Variants in CNTNAP2 observed in about 807,000 individuals in gnomAD.
CNTNAP2 encodes contactin-associated protein-like 2.
In CNTNAP2, 98 loss-of-function variants were observed where a neutral mutation model predicts 155.2. The observed-to-expected ratio is 0.63, with a 90% CI of 0.54 to 0.75. CNTNAP2 has a LOEUF of 0.75. CNTNAP2 is among the 30% of genes least tolerant of loss of function. CNTNAP2 has a pLI of 0.00. For missense variants in CNTNAP2, 1,727 were observed against 1,688.1 expected (o/e 1.02, Z -0.40); for synonymous variants, 651 against 631.2 (o/e 1.03, Z -0.47).
At chr7:147,465,934 ATG>A (rs59340715) in intron 10 of CNTNAP2, among the ~76,000 whole-genome samples, 118,771 of 151,966 alleles carry the variant, frequency 0.78, 46,788 homozygotes, top group African/African-American at 0.88. Context: ...ATTGTATCTA[ATG>A]TGTGTGTAGC....
At chr7:146,120,743 G>C (rs752720003) in intron 1 of CNTNAP2, among the ~76,000 whole-genome samples, 1 of 152,062 alleles carries the variant, frequency 6.6e-6, no homozygotes, top group Non-Finnish European at 1.5e-5. Flanking sequence ...GTTTAAGTAT[G>C]ATGAGATACA....
intron 8 of CNTNAP2, among the ~76,000 whole-genome samples, chr7:147,203,869 A>T (rs574141782): frequency 6.6e-6 from 1 of 152,158 alleles, no homozygotes; most frequent in Non-Finnish European, 1.5e-5. Context: ...ATAAAAAGCA[A>T]CAATAGATTA....
intron 12 of CNTNAP2, among the ~76,000 whole-genome samples, chr7:147,570,321 A>T (rs1800263049): frequency 6.6e-6 from 1 of 152,168 alleles, no homozygotes; most frequent in Non-Finnish European, 1.5e-5. Flanking sequence ...TCTGTTTAGC[A>T]TGCTTACCTA....
At position 148,415,624 on chromosome 7, in the gene CNTNAP2, C is replaced by G. The variant is rs1490530352; in HGVS notation, c.*8C>G. 3.7e-6 allele frequency: 6 copies of G among 1,614,046 alleles called. No homozygotes were observed. The highest frequency in any genetic ancestry group is 4.2e-6 in the Non-Finnish European group (5 of 1,179,992). ...AAGGAATGGCTCATTTGAGGGGTGG[C>G]TACTTGGCTATGGGATAGGGAGGAG... On this transcript the variant is annotated 3_prime_UTR_variant, in exon 24 of 24. Coordinates refer to ENST00000361727, the MANE Select transcript of CNTNAP2 (RefSeq NM_014141.6).
rs993270117 is a variant in CNTNAP2 at position 147,167,475 on chromosome 7, G to A, written c.1348+34966G>A. 3 of 1,034,924 alleles carry A rather than the reference G, an allele frequency of 2.9e-6. No homozygotes were observed. The African/African-American group carries it at 4.8e-5, about 17-fold the overall frequency. The allele number at this position is 1,034,924 out of a possible 1,614,324, so 64.1% of individuals were successfully genotyped here. A position where few individuals can be genotyped will look rare whatever the true frequency, so the allele number is the denominator to read the frequency against. The stretch of plus-strand genomic sequence containing the variant: ...GGAGTTTGTTGCCATGCCTGCCCCT[G>A]CCCCACTGGAGGTTGCCATGGACCC... On this transcript the variant is annotated intron_variant, in intron 8 of 23. Transcript: ENST00000361727.
At chr7:148,040,619 G>T (rs941732658) in intron 15 of CNTNAP2, among the ~76,000 whole-genome samples, 1 of 152,218 alleles carries the variant, frequency 6.6e-6, no homozygotes, top group African/African-American at 2.4e-5. Context: ...TATGCATGCA[G>T]TGTGTGCTCT....
intron 18 of CNTNAP2, among the ~76,000 whole-genome samples, chr7:148,192,899 C>A (rs529207053): frequency 6.6e-6 from 1 of 151,966 alleles, no homozygotes; most frequent in African/African-American, 2.4e-5. Flanking sequence ...CATTTTTTGG[C>A]GGTGTTTGAA....
At chr7:146,257,888 A>AT (rs57787137) in intron 1 of CNTNAP2, among the ~76,000 whole-genome samples, 35,906 of 146,976 alleles carry the variant, frequency 0.24, 7,739 homozygotes, top group African/African-American at 0.59. Flanking sequence ...TTATCCAGCA[A>AT]TTTTTTTTTT....
At chr7:146,719,845 C>T (rs1801254768) in intron 1 of CNTNAP2, among the ~76,000 whole-genome samples, 2 of 151,872 alleles carry the variant, frequency 1.3e-5, no homozygotes, top group South Asian at 4.2e-4. Flanking sequence ...AAATAATAAT[C>T]CGATAAATGT....
chr7:148,339,273 C>T (rs1798179108), intron 21 of CNTNAP2, among the ~76,000 whole-genome samples: 1 of 149,862 alleles, frequency 6.7e-6, no homozygotes, highest in Non-Finnish European at 1.5e-5. Flanking sequence ...AAAAAAAAGA[C>T]CCACTCTTGT....
rs193079516 is a variant in CNTNAP2, at chr7:146,536,715, C to T, written c.98-237556C>T. Among the ~76,000 whole-genome samples the T allele has an allele frequency of 1.5e-3, 230 of 151,870 alleles. 1 individual carries two copies. The highest frequency in any genetic ancestry group is 5.4e-3 in the African/African-American group (225 of 41,402). On this transcript the variant is annotated intron_variant, in intron 1 of 23. Coordinates refer to ENST00000361727, the MANE Select transcript of CNTNAP2 (RefSeq NM_014141.6). ...ACTTGTTTATTGCTGTGTGATAAAA[C>T]ACTCCAAGACATCTCTAGTCACGTT...
At chr7:146,647,006 G>T (rs1799823078) in intron 1 of CNTNAP2, among the ~76,000 whole-genome samples, 1 of 152,134 alleles carries the variant, frequency 6.6e-6, no homozygotes, top group Non-Finnish European at 1.5e-5. Flanking sequence ...CTGAGGCAGG[G>T]CACAATATCA....
chr7:147,834,624 C>T (rs1374341929), intron 13 of CNTNAP2, among the ~76,000 whole-genome samples: 1 of 152,120 alleles, frequency 6.6e-6, no homozygotes, highest in Non-Finnish European at 1.5e-5. Flanking sequence ...CCTTTGAGAT[C>T]CTCATTAAAC....
intron 13 of CNTNAP2, among the ~76,000 whole-genome samples, chr7:147,662,353 C>G (rs111592986): frequency 0.035 from 5,328 of 152,308 alleles, 135 homozygotes; most frequent in Middle Eastern, 0.071. Flanking sequence ...CCTACATCTG[C>G]TACCAAATCA....
At chr7:146,754,665 G>A (rs979317400) in intron 1 of CNTNAP2, among the ~76,000 whole-genome samples, 5 of 151,430 alleles carry the variant, frequency 3.3e-5, no homozygotes, top group African/African-American at 7.3e-5. Flanking sequence ...CCTTAGAGTC[G>A]AATGGTATCT....
At chr7:146,550,414 T>TTTTTTG (rs1798101330) in intron 1 of CNTNAP2, among the ~76,000 whole-genome samples, 3 of 124,770 alleles carry the variant, frequency 2.4e-5, no homozygotes, top group Non-Finnish European at 5.3e-5. Context: ...TTTTTTTTTT[T>TTTTTTG]TTTTTTTTTT....
In CNTNAP2 at chr7:146,774,295, C is replaced by A; in HGVS notation, c.122C>A (p.Ser41Tyr). The A allele has an allele frequency of 6.2e-7, 1 of 1,613,914 alleles. No homozygotes were observed. Among genetic ancestry groups the A allele is most frequent in the Non-Finnish European group, 8.5e-7 (1 of 1,179,926 alleles). Residue 41 changes from serine to tyrosine, a missense_variant, in exon 2 of 24, where the codon TCT becomes TAT. By Grantham distance (144) the Ser-to-Tyr change is moderately radical (BLOSUM62 -2). Coordinates refer to ENST00000361727, the MANE Select transcript of CNTNAP2 (RefSeq NM_014141.6). The stretch of plus-strand genomic sequence containing the variant: ...GAAAAATGTGATGAGCCACTTGTCT[C>A]TGGACTCCCCCATGTGGCTTTCAGC... ...TSQKCDEPLV[S>Y]GLPHVAFSSS... is the part of the protein sequence containing the mutation.
In CNTNAP2 at chr7:147,605,258, TA is replaced by T. The variant is rs781398422; in HGVS notation, c.1898-33846del. 5.5e-4 allele frequency among the ~76,000 whole-genome samples: 83 copies of T among 152,264 alleles called. 1 individual carries two copies. In the Middle Eastern group the frequency reaches 0.014, roughly 25 times the overall value. On this transcript the variant is annotated intron_variant, in intron 12 of 23. Coordinates refer to ENST00000361727, the MANE Select transcript of CNTNAP2 (RefSeq NM_014141.6). ...AACTTTCTACCCTCTGAATTTTTGA[TA>T]ATTGAGCCTATGAAATCAACTGACA...
rs578180657 is a variant in CNTNAP2 at position 147,716,564 on chromosome 7, G to A, written c.2098+77258G>A. Among the ~76,000 whole-genome samples, 14 of 152,186 alleles carry A rather than the reference G, an allele frequency of 9.2e-5. No homozygotes were observed. In the South Asian group the frequency reaches 2.9e-3, roughly 32 times the overall value. Reference sequence around the variant, plus strand: ...TGCCAATTTCTTTCTTTCTGTACATGTGCTAACCAAAAAGGGAAGATGGAG... The same window carrying A: ...TGCCAATTTCTTTCTTTCTGTACATATGCTAACCAAAAAGGGAAGATGGAG... On this transcript the variant is annotated intron_variant, in intron 13 of 23. Coordinates refer to ENST00000361727, the MANE Select transcript of CNTNAP2 (RefSeq NM_014141.6).
Sources: allele counts gnomAD v4.1 joint callset (sites outside exome capture counted in the v4.1 genomes callset), GRCh38; gene constraint gnomAD v4.1.1; transcripts MANE v1.5; gene names NCBI Gene and HGNC (gene_info 2026-07-23, HGNC 2026-07-21).